The following XNDC1N variants were observed in gnomAD, a reference collection of about 807,000 sequenced individuals.
XNDC1N encodes protein XNDC1N.
At chr11:71,926,007 C>G in the XNDC1N span, 1 of 152,098 alleles carries the variant, frequency 6.6e-6, no homozygotes, top group Non-Finnish European at 1.5e-5. Context: ...CATGGTGGCT[C>G]AGGCCTGTAA....
chr11:71,889,392 C>T, the XNDC1N span, among the ~76,000 whole-genome samples: 5 of 152,210 alleles, frequency 3.3e-5, no homozygotes, highest in Admixed American at 2.0e-4. Flanking sequence ...CTCAGAGGCT[C>T]GAAAAGCAGC....
At chr11:71,895,266 ATATT>A in the XNDC1N span, among the ~76,000 whole-genome samples, 70 of 152,130 alleles carry the variant, frequency 4.6e-4, 1 homozygote, top group African/African-American at 1.6e-3. Flanking sequence ...CACCATACAA[ATATT>A]TATTATGTTG....
chr11:71,912,148 G>A, the XNDC1N span, among the ~76,000 whole-genome samples: 3 of 152,200 alleles, frequency 2.0e-5, no homozygotes, highest in African/African-American at 7.2e-5. Context: ...TGAGGCAGCG[G>A]TGTGTTACCT....
chr11:71,898,356 C>T, the XNDC1N span, among the ~76,000 whole-genome samples: 2 of 152,122 alleles, frequency 1.3e-5, no homozygotes, highest in Non-Finnish European at 2.9e-5. Flanking sequence ...CATGTAACCC[C>T]AGCACTTTGG....
chr11:71,927,900 C>G, the XNDC1N span: 1 of 152,326 alleles, frequency 6.6e-6, no homozygotes, highest in African/African-American at 2.4e-5. Context: ...TCTGTTGGTC[C>G]CAATGTAAAG....
the XNDC1N span, among the ~76,000 whole-genome samples, chr11:71,908,722 C>A: frequency 7.9e-5 from 12 of 152,266 alleles, no homozygotes; most frequent in African/African-American, 2.6e-4. Context: ...GACCCACAAC[C>A]CCACCTGTGC....
chr11:71,897,244 A>G, the XNDC1N span, among the ~76,000 whole-genome samples: 1 of 152,230 alleles, frequency 6.6e-6, no homozygotes, highest in Admixed American at 6.5e-5. Flanking sequence ...CATATAAATG[A>G]CAGACACTTT....
At chr11:71,907,617 T>C in the XNDC1N span, among the ~76,000 whole-genome samples, 8 of 152,130 alleles carry the variant, frequency 5.3e-5, no homozygotes, top group South Asian at 8.3e-4. Context: ...CCTCTTCCTC[T>C]CTGAATATTA....
the XNDC1N span, among the ~76,000 whole-genome samples, chr11:71,914,600 T>G: frequency 6.6e-6 from 1 of 151,790 alleles, no homozygotes; most frequent in Non-Finnish European, 1.5e-5. Context: ...GGTGAGAGAA[T>G]TGCTTGAACC....
the XNDC1N span, among the ~76,000 whole-genome samples, chr11:71,889,484 C>G: frequency 1.2e-4 from 18 of 152,284 alleles, no homozygotes; most frequent in Admixed American, 3.3e-4. Context: ...AGGACTTTCT[C>G]CAGGTAGAGG....
the XNDC1N span, among the ~76,000 whole-genome samples, chr11:71,898,721 G>A: frequency 2.0e-5 from 3 of 152,186 alleles, no homozygotes; most frequent in East Asian, 3.8e-4. Flanking sequence ...GCGAGAAAGA[G>A]GAGTGGAGAG....
At chr11:71,893,124 C>A in the XNDC1N span, among the ~76,000 whole-genome samples, 2 of 152,208 alleles carry the variant, frequency 1.3e-5, no homozygotes, top group East Asian at 1.9e-4. Context: ...TCTTTTTCTT[C>A]AAGAGAGAAG....
At chr11:71,907,433 C>T in the XNDC1N span, among the ~76,000 whole-genome samples, 1 of 147,112 alleles carries the variant, frequency 6.8e-6, no homozygotes, top group Non-Finnish European at 1.5e-5. Flanking sequence ...GGGCGAGGAG[C>T]CCCCCACGAT....
chr11:71,884,367 A>G, the XNDC1N span: 2 of 1,502,430 alleles, frequency 1.3e-6, no homozygotes, highest in East Asian at 4.7e-5. Context: ...ATAAAAAGTA[A>G]GTAATATTGT....
the XNDC1N span, among the ~76,000 whole-genome samples, chr11:71,899,823 G>T: frequency 6.6e-6 from 1 of 152,214 alleles, no homozygotes; most frequent in Non-Finnish European, 1.5e-5. Flanking sequence ...TGCTGAGGTG[G>T]ATTAGTCAAA....
the XNDC1N span, among the ~76,000 whole-genome samples, chr11:71,885,638 C>A: frequency 6.6e-6 from 1 of 152,088 alleles, no homozygotes; most frequent in African/African-American, 2.4e-5. Context: ...GGAGCAATAT[C>A]ACAGGTGGGT....
the XNDC1N span, among the ~76,000 whole-genome samples, chr11:71,896,112 C>T: frequency 6.6e-6 from 1 of 152,152 alleles, no homozygotes; most frequent in East Asian, 1.9e-4. Flanking sequence ...ACCCCGTCTC[C>T]ACGGTAAACA....
the XNDC1N span, among the ~76,000 whole-genome samples, chr11:71,886,937 A>G: frequency 4.0e-3 from 603 of 152,264 alleles, 2 homozygotes; most frequent in African/African-American, 7.1e-3. Context: ...AGTTTGCAGC[A>G]TAACCAGTGT....
chr11:71,923,629 C>T, the XNDC1N span, among the ~76,000 whole-genome samples: 2 of 150,956 alleles, frequency 1.3e-5, no homozygotes, highest in Non-Finnish European at 2.9e-5. Flanking sequence ...AATCTTGGCT[C>T]ACTGCAAGCT....
Sources: allele counts gnomAD v4.1 joint callset (sites outside exome capture counted in the v4.1 genomes callset), GRCh38; gene constraint gnomAD v4.1.1; transcripts MANE v1.5; gene names NCBI Gene and HGNC (gene_info 2026-07-23, HGNC 2026-07-21).